The following PFKM variants were observed in gnomAD, a reference collection of about 807,000 sequenced individuals.
PFKM encodes the protein phosphofructokinase, muscle, also known as ATP-dependent 6-phosphofructokinase, muscle type.
Under a neutral mutation model 95.5 loss-of-function variants are expected in PFKM, and 58 were observed. The observed-to-expected ratio is 0.61, with a 90% confidence interval of 0.49 to 0.76. The LOEUF (loss-of-function observed/expected upper bound fraction) is 0.76, where lower values mean the gene tolerates loss of function less well. PFKM is among the 30% of genes least tolerant of loss of function. PFKM has a pLI of 0.00. For synonymous variants in PFKM, 336 were observed against 357.2 expected (o/e 0.94, Z 0.67); for missense variants, 678 against 1,005.4 (o/e 0.67, Z 4.40).
intron 18 of PFKM, among the ~76,000 whole-genome samples, 153 bp downstream of exon 18, chr12:48,143,099 T>C (rs1192392720): frequency 6.8e-6 from 1 of 146,456 alleles, no homozygotes. Context: ...AGGCATTCTC[T>C]GGTGTCACCT....
At chr12:48,118,537 A>C (rs1174595159), upstream of PFKM, 1 of 1,525,666 alleles carries the variant, frequency 6.6e-7, no homozygotes, top group Non-Finnish European at 8.8e-7. Context: ...TGGTAAAAGC[A>C]AGAGGAGACC....
At chr12:48,124,179 A>G (rs1263543741) in intron 2 of PFKM, among the ~76,000 whole-genome samples, 1 of 152,208 alleles carries the variant, frequency 6.6e-6, no homozygotes, top group Non-Finnish European at 1.5e-5. Flanking sequence ...GATATAGGTT[A>G]TGAATCAGAA....
intron 3 of PFKM, among the ~76,000 whole-genome samples, chr12:48,114,229 C>G (rs1947470975): frequency 6.6e-6 from 1 of 152,176 alleles, no homozygotes; most frequent in Non-Finnish European, 1.5e-5. Flanking sequence ...ACATTTAGGT[C>G]ACTCCAGATT....
Position 48,107,332 on chromosome 12 carries a change from T to A in PFKM, c.-9-33T>A, listed in dbSNP as rs959990982. The A allele has an allele frequency of 2.9e-6, 4 of 1,363,822 alleles. No individual in the cohort carries two copies. In the African/African-American group the frequency reaches 5.7e-5, roughly 19 times the overall value. The allele number at this position is 1,363,822 out of a possible 1,614,324, so 84.5% of individuals were successfully genotyped here. A position where few individuals can be genotyped will look rare whatever the true frequency, so the allele number is the denominator to read the frequency against. Reference sequence around the variant, plus strand: ...ACTGACATCTTATTTCACAGCTCTGTTCGTTTGGATTAAACTCTGTCTCTA... The same window carrying A: ...ACTGACATCTTATTTCACAGCTCTGATCGTTTGGATTAAACTCTGTCTCTA... On this transcript the variant is annotated intron_variant, in intron 1 of 24. Transcript: ENST00000340802.
At chr12:48,125,087 C>T (rs1421016558) in intron 2 of PFKM, among the ~76,000 whole-genome samples, 1 of 152,128 alleles carries the variant, frequency 6.6e-6, no homozygotes, top group Non-Finnish European at 1.5e-5. Flanking sequence ...AGGAATCAGA[C>T]ATCCTGAGCT....
At position 48,139,806 on chromosome 12, in the gene PFKM, G is replaced by A. The variant is rs1950419199; in HGVS notation, c.1128-43G>A. On this transcript the variant is annotated intron_variant, in intron 12 of 22. Transcript: ENST00000359794. ...GGATCTCCATGGCTGCTGGCTGTGG[G>A]GAATGGCCTGAAGACACCTCTCTCT... The A allele has an allele frequency of 3.8e-6, 5 of 1,308,758 alleles. No individual in the cohort carries two copies. In the South Asian group the frequency reaches 5.9e-5, roughly 15 times the overall value. The allele number at this position is 1,308,758 out of a possible 1,614,324, so 81.1% of individuals were successfully genotyped here. A position where few individuals can be genotyped will look rare whatever the true frequency, so the allele number is the denominator to read the frequency against.
In PFKM at chr12:48,141,980, G is replaced by A; in HGVS notation, c.1567G>A (p.Val523Met). ...GTTTGATGAGCTCTGCATCCCATTT[G>A]TGGTCATTCCTGCTACAGTCTCCAA... The part of the protein sequence containing the change: ...KQFDELCIPF[V>M]VIPATVSNNV... The change falls in exon 17 of 23, where the codon GTG (valine) becomes ATG (methionine). Residue 523 changes from valine (V) to methionine (M), a missense_variant. Physicochemically the swap from Val to Met is conservative, Grantham distance 21. Transcript: ENST00000359794. 6.2e-7 allele frequency: 1 copy of A among 1,614,108 alleles called. No homozygotes were observed. Among genetic ancestry groups the A allele is most frequent in the East Asian group, 2.2e-5 (1 of 44,884 alleles).
At chr12:48,141,185 C>G (rs1040412778) in intron 14 of PFKM, 126 bp from the exon 15 acceptor site, 7 of 890,250 alleles carry the variant, frequency 7.9e-6, no homozygotes, top group Non-Finnish European at 1.3e-5. Context: ...AAAGCTAATA[C>G]CTGGTGTACC....
chr12:48,106,079 CA>C (rs1264268342), exon 1 of PFKM: 1 of 702,568 alleles, frequency 1.4e-6, no homozygotes. Context: ...GCGCGGAACG[CA>C]AAACCCGGGA....
intron 4 of PFKM, 85 bp from the exon 5 acceptor site, chr12:48,132,783 G>A (rs1037727139): frequency 1.7e-6 from 2 of 1,165,826 alleles, no homozygotes; most frequent in East Asian, 5.1e-5. Flanking sequence ...ACACAGTTAT[G>A]TTAGGCCATC....
chr12:48,106,097 G>A (rs767127969), exon 1 of PFKM: 25 of 702,668 alleles, frequency 3.6e-5, no homozygotes, highest in Admixed American at 8.0e-5. Flanking sequence ...GGGAACCGCC[G>A]CGAACCGGAA....
intron 2 of PFKM, among the ~76,000 whole-genome samples, chr12:48,129,605 C>T (rs1466768611): frequency 2.0e-5 from 3 of 152,124 alleles, no homozygotes; most frequent in Non-Finnish European, 4.4e-5. Context: ...GTGTGGCACA[C>T]ATTGGAACAT....
chr12:48,141,213 A>G lies in PFKM; in HGVS notation c.1342-98A>G. ...GGTGTACCTTTTCCAACCAAGGGGG[A>G]TCCAGGGGTAGGGTTAGAACTCAAG... On this transcript the variant is annotated intron_variant, in intron 14 of 22. Coordinates refer to ENST00000359794, the MANE Select transcript of PFKM (RefSeq NM_000289.6). 2.6e-6 allele frequency: 3 copies of G among 1,144,688 alleles called. No individual in the cohort carries two copies. The Admixed American group carries it at 5.1e-5, about 19-fold the overall frequency. 70.9% of individuals were successfully genotyped at this position (1,144,688 alleles called of 1,614,324 possible). A position where few individuals can be genotyped will look rare whatever the true frequency, so the allele number is the denominator to read the frequency against.
chr12:48,105,704 C>G (rs1169780940), upstream of PFKM: 1 of 480,950 alleles, frequency 2.1e-6, no homozygotes, highest in Non-Finnish European at 3.8e-6. Context: ...GAATCGCAAC[C>G]GGCCTTTCCC....
chr12:48,117,799 G>T (rs558438513), upstream of PFKM, among the ~76,000 whole-genome samples: 1 of 152,188 alleles, frequency 6.6e-6, no homozygotes, highest in Non-Finnish European at 1.5e-5. Flanking sequence ...GTTCAAGATG[G>T]TCGGGCCACA....
chr12:48,106,358 C>G (rs567575939), intron 1 of PFKM: 1 of 495,026 alleles, frequency 2.0e-6, no homozygotes, highest in African/African-American at 2.0e-5. Flanking sequence ...CCTCTGCTCC[C>G]TTACCCGCCG....
chr12:48,139,288 A>T lies in PFKM; in HGVS notation c.1066A>T (p.Lys356Ter). 6.2e-7 allele frequency: 1 copy of T among 1,613,440 alleles called. No individual in the cohort carries two copies. Among genetic ancestry groups the T allele is most frequent in the Non-Finnish European group, 8.5e-7 (1 of 1,179,574 alleles). Residue 356 changes from lysine to a stop codon, truncating the protein, a stop_gained, in exon 12 of 23, where the codon AAA (lysine) becomes TAA (stop). Transcript: ENST00000359794. LOFTEE classifies it high-confidence loss of function. The stretch of plus-strand genomic sequence containing the variant: ...TGTCGCTGTGCTCCCCCCTCAGACC[A>T]AAGATGTGACCAAGGCCATGGATGA... The part of the protein sequence containing the change: ...LPLMECVQVT[K>*]DVTKAMDEKK...
chr12:48,141,978 T>C lies in PFKM; in HGVS notation c.1565T>C (p.Phe522Ser), dbSNP rs772532021. Residue 522 changes from phenylalanine (F) to serine (S), a missense_variant, in exon 17 of 23, where the codon TTT becomes TCT. Physicochemically the swap from Phe to Ser is radical, Grantham distance 155 (BLOSUM62 -2). Coordinates refer to ENST00000359794, the MANE Select transcript of PFKM (RefSeq NM_000289.6). ...RKQFDELCIP[F>S]VVIPATVSNN... ...CAGTTTGATGAGCTCTGCATCCCAT[T>C]TGTGGTCATTCCTGCTACAGTCTCC... The C allele has an allele frequency of 6.2e-7, 1 of 1,614,058 alleles. No individual in the cohort carries two copies. Among genetic ancestry groups the C allele is most frequent in the African/African-American group, 1.3e-5 (1 of 75,008 alleles).
At chr12:48,105,943 G>T in exon 1 of PFKM, 1 of 690,774 alleles carries the variant, frequency 1.4e-6, no homozygotes, top group Non-Finnish European at 2.6e-6. Context: ...AGTCCAGCCC[G>T]GGCCGGCTGA....
Sources: allele counts gnomAD v4.1 joint callset (sites outside exome capture counted in the v4.1 genomes callset), GRCh38; gene constraint gnomAD v4.1.1; transcripts MANE v1.5; gene names NCBI Gene and HGNC (gene_info 2026-07-23, HGNC 2026-07-21).